Variants in FAM168A observed in about 807,000 individuals in gnomAD.
FAM168A encodes protein FAM168A.
Under a neutral mutation model 28.5 loss-of-function variants are expected in FAM168A, and 3 were observed. The observed-to-expected ratio is 0.11, with a 90% CI of 0.05 to 0.27. The LOEUF is 0.27. Among genes scored for constraint, FAM168A ranks in the 10% least tolerant of loss-of-function variants. The pLI is 1.00. For synonymous variants in FAM168A, 122 were observed against 124.2 expected (o/e 0.98, Z 0.12); for missense variants, 222 against 311.5 (o/e 0.71, Z 2.16).
rs1293985595 is a variant in FAM168A at position 73,472,077 on chromosome 11, C to T, written c.-18-3585G>A. On this transcript the variant is annotated intron_variant, in intron 1 of 7. Transcript: ENST00000356467. The stretch of plus-strand genomic sequence containing the variant: ...ACGAAGGAATCTAGGTTGTGTGCTC[C>T]TTGTGAAAATCTAATGCCCCCCTCT... Among the ~76,000 whole-genome samples the T allele has an allele frequency of 2.0e-5, 3 of 152,084 alleles. No homozygotes were observed. The East Asian group carries it at 5.8e-4, about 29-fold the overall frequency.
chr11:73,401,205 T>C lies in FAM168A; in HGVS notation c.*5558A>G, dbSNP rs1464658831. ...TTAAAATGAATTAAAAAATACAAAA[T>C]CATATACAACGCTCTCTTCACAGGG... On this transcript the variant is annotated 3_prime_UTR_variant, in exon 8 of 8. Transcript: ENST00000356467. The C allele has an allele frequency of 6.6e-6, 1 of 152,168 alleles. No individual in the cohort carries two copies. The highest frequency in any genetic ancestry group is 1.9e-4 in the East Asian group (1 of 5,186). 9.4% of individuals were successfully genotyped at this position (152,168 alleles called of 1,614,324 possible).
chr11:73,491,600 G>A (rs1267566183), intron 1 of FAM168A, among the ~76,000 whole-genome samples: 2 of 152,112 alleles, frequency 1.3e-5, no homozygotes, highest in South Asian at 2.1e-4. Flanking sequence ...AACAGACCGG[G>A]GACTTGAACT....
intron 1 of FAM168A, among the ~76,000 whole-genome samples, chr11:73,545,829 A>G (rs75196006): frequency 0.1 from 15,179 of 151,726 alleles, 2,246 homozygotes; most frequent in African/African-American, 0.32. Context: ...GATTACAGGC[A>G]TAAGCCACGG....
At position 73,402,287 on chromosome 11, in the gene FAM168A, C is replaced by G. The variant is rs1000654875; in HGVS notation, c.*4476G>C. On this transcript the variant is annotated 3_prime_UTR_variant, in exon 8 of 8. Coordinates refer to ENST00000356467, the MANE Select transcript of FAM168A (RefSeq NM_015159.3). ...GGGCCCAGAATGGGGCCCACCCCCT[C>G]TGGGCACAGAACAAAGCTGAGGAAT... The G allele has an allele frequency of 1.3e-5, 2 of 152,386 alleles. No individual in the cohort carries two copies. Among genetic ancestry groups the G allele is most frequent in the East Asian group, 3.9e-4 (2 of 5,192 alleles). 9.4% of individuals were successfully genotyped at this position (152,386 alleles called of 1,614,324 possible).
chr11:73,485,352 G>C (rs574620085), intron 1 of FAM168A, among the ~76,000 whole-genome samples: 98 of 152,192 alleles, frequency 6.4e-4, no homozygotes, highest in Non-Finnish European at 1.2e-3. Context: ...GGTTTATTGT[G>C]GCATCCACTA....
intron 1 of FAM168A, among the ~76,000 whole-genome samples, chr11:73,492,159 T>C (rs1868136553): frequency 6.6e-6 from 1 of 152,174 alleles, no homozygotes; most frequent in Non-Finnish European, 1.5e-5. Context: ...CCAAGCCCAA[T>C]GTTCCTCCCA....
At position 73,503,979 on chromosome 11, in the gene FAM168A, C is replaced by G. The variant is rs187883157; in HGVS notation, c.-18-35487G>C. Among the ~76,000 whole-genome samples the G allele has an allele frequency of 3.2e-4, 48 of 152,288 alleles. No individual in the cohort carries two copies. In the East Asian group the frequency reaches 8.9e-3, roughly 28 times the overall value. Reference sequence around the variant, plus strand: ...CAGAAAACTGAAACTGGACCTCTTCCTTACATCTCATACAAAAATTAACTC... The same window carrying G: ...CAGAAAACTGAAACTGGACCTCTTCGTTACATCTCATACAAAAATTAACTC... On this transcript the variant is annotated intron_variant, in intron 1 of 7. Transcript: ENST00000356467.
intron 1 of FAM168A, among the ~76,000 whole-genome samples, chr11:73,544,939 T>C (rs1242494894): frequency 3.2e-5 from 3 of 94,018 alleles, no homozygotes; most frequent in Admixed American, 1.7e-4. Context: ...AAATATATTA[T>C]GTAATATATA....
intron 4 of FAM168A, among the ~76,000 whole-genome samples, chr11:73,414,157 T>C (rs1407821125): frequency 6.6e-6 from 1 of 152,222 alleles, no homozygotes; most frequent in Non-Finnish European, 1.5e-5. Flanking sequence ...AATCTTTTAT[T>C]CATACTATAA....
rs964415220 is a variant in FAM168A, at chr11:73,405,077, C to T, written c.*1686G>A. On this transcript the variant is annotated 3_prime_UTR_variant, in exon 8 of 8. Transcript: ENST00000356467. ...GTCTCCTGGGCCTCATCCTCATTCT[C>T]CTCTCCTGATGACTCCCACTGTCTT... 7.9e-5 allele frequency: 12 copies of T among 152,290 alleles called. No individual in the cohort carries two copies. Among genetic ancestry groups the T allele is most frequent in the Non-Finnish European group, 1.8e-4 (12 of 68,114 alleles). The allele number at this position is 152,290 out of a possible 1,614,324, so 9.4% of individuals were successfully genotyped here.
At chr11:73,475,400 T>C (rs946326897) in intron 1 of FAM168A, among the ~76,000 whole-genome samples, 2 of 152,192 alleles carry the variant, frequency 1.3e-5, no homozygotes, top group Non-Finnish European at 1.5e-5. Context: ...GCAAAGATTA[T>C]TAATTTCATT....
Position 73,537,811 on chromosome 11 carries a change from G to A in FAM168A, c.-19+60112C>T, listed in dbSNP as rs549045397. Among the ~76,000 whole-genome samples the A allele has an allele frequency of 4.8e-4, 73 of 152,280 alleles. 1 individual carries two copies. The highest frequency in any genetic ancestry group is 3.3e-3 in the South Asian group (16 of 4,826). On this transcript the variant is annotated intron_variant, in intron 1 of 7. Coordinates refer to ENST00000356467, the MANE Select transcript of FAM168A (RefSeq NM_015159.3). ...CAAGGAAGACATGTATCTGCCCCAA[G>A]CCTTCACTTCCCAATTCCCAATGAT...
intron 1 of FAM168A, among the ~76,000 whole-genome samples, chr11:73,523,058 G>C (rs1434828836): frequency 1.3e-5 from 2 of 151,930 alleles, no homozygotes; most frequent in African/African-American, 4.8e-5. Context: ...CACAATGAGA[G>C]GAGGGGGCTG....
chr11:73,585,386 A>G (rs1184636529), intron 1 of FAM168A, among the ~76,000 whole-genome samples: 1 of 152,238 alleles, frequency 6.6e-6, no homozygotes, highest in East Asian at 1.9e-4. Context: ...GGTTACAAAA[A>G]TGAAACACAG....
rs2134473207 is a variant in FAM168A, at chr11:73,405,986, G to A, written c.*777C>T. On this transcript the variant is annotated 3_prime_UTR_variant, in exon 8 of 8. Coordinates refer to ENST00000356467, the MANE Select transcript of FAM168A (RefSeq NM_015159.3). ...CACCTTTTGAGGAAGTGCCAGGTCAGTTAACATCACTGTGCAAATCAGAAG... is the reference window on the plus strand; with the variant it reads ...CACCTTTTGAGGAAGTGCCAGGTCAATTAACATCACTGTGCAAATCAGAAG... 1 of 152,756 alleles carries A rather than the reference G, an allele frequency of 6.5e-6. No homozygotes were observed. Among genetic ancestry groups the A allele is most frequent in the Admixed American group, 6.5e-5 (1 of 15,290 alleles). 9.5% of individuals were successfully genotyped at this position (152,756 alleles called of 1,614,324 possible).
chr11:73,576,635 T>G lies in FAM168A; in HGVS notation c.-19+21288A>C, dbSNP rs573202700. ...AAGACGGAAATGGGGAATCAACTGT[T>G]TTCTACATGCCCCCCAACTCAAAGA... On this transcript the variant is annotated intron_variant, in intron 1 of 7. Transcript: ENST00000356467. Among the ~76,000 whole-genome samples the G allele has an allele frequency of 2.6e-5, 4 of 152,256 alleles. No homozygotes were observed. The South Asian group carries it at 8.3e-4, about 32-fold the overall frequency.
At chr11:73,508,793 A>G (rs1367138459) in intron 1 of FAM168A, among the ~76,000 whole-genome samples, 1 of 152,190 alleles carries the variant, frequency 6.6e-6, no homozygotes, top group East Asian at 1.9e-4. Context: ...ACAACCAAAA[A>G]AGGGTAAGAC....
At chr11:73,489,073 C>T (rs561044916) in intron 1 of FAM168A, among the ~76,000 whole-genome samples, 1 of 151,848 alleles carries the variant, frequency 6.6e-6, no homozygotes, top group East Asian at 1.9e-4. Context: ...TAGAGACAAG[C>T]TTTCACTATG....
chr11:73,527,662 G>A (rs561889651), intron 1 of FAM168A, among the ~76,000 whole-genome samples: 48 of 152,084 alleles, frequency 3.2e-4, no homozygotes, highest in Middle Eastern at 3.4e-3. Context: ...GCTCAGAAGG[G>A]ATAAATAACT....
Sources: gnomAD v4.1 joint callset for allele counts (sites outside exome capture counted in the v4.1 genomes callset) on GRCh38, gnomAD v4.1.1 for gene constraint, MANE v1.5 for transcripts, NCBI Gene and HGNC (gene_info 2026-07-23, HGNC 2026-07-21) for gene names.